PLA2G6: variants seen among roughly 807,000 people sequenced by gnomAD.
PLA2G6 encodes phospholipase A2 group VI.
In PLA2G6, 62 loss-of-function variants were observed where a neutral mutation model predicts 83.8. The observed-to-expected ratio is 0.74, with a 90% CI of 0.60 to 0.91. The LOEUF is 0.91. Among genes scored for constraint, PLA2G6 ranks in the 40% least tolerant of loss-of-function variants. The probability of loss-of-function intolerance (pLI) is 0.00; values close to 1 mark genes in which losing one functional copy is unlikely to be tolerated. For missense variants in PLA2G6, 944 were observed against 1,102.0 expected (o/e 0.86, Z 2.03); for synonymous variants, 417 against 449.8 (o/e 0.93, Z 0.92).
In PLA2G6 at chr22:38,132,768, C is replaced by A; in HGVS notation, c.1077+63G>T. The A allele has an allele frequency of 7.1e-7, 1 of 1,406,992 alleles. No homozygotes were observed. The highest frequency in any genetic ancestry group is 9.7e-7 in the Non-Finnish European group (1 of 1,032,716). 87.2% of individuals were successfully genotyped at this position (1,406,992 alleles called of 1,614,324 possible). ...GACAGTGGGGAGGAGGGCTCCAGTCCGGACAGCCCTCCTGCATTCCCACCG... is the reference window on the plus strand; with the variant it reads ...GACAGTGGGGAGGAGGGCTCCAGTCAGGACAGCCCTCCTGCATTCCCACCG... On this transcript the variant is annotated intron_variant, in intron 7 of 16. Coordinates refer to ENST00000332509, the MANE Select transcript of PLA2G6 (RefSeq NM_003560.4). The surrounding 1 kb of genome is among the most constrained non-coding windows in gnomAD (Gnocchi z 5.0).
chr22:38,167,238 A>G (rs2090255320), intron 2 of PLA2G6, among the ~76,000 whole-genome samples: 2 of 151,790 alleles, frequency 1.3e-5, no homozygotes, highest in Admixed American at 1.3e-4. Flanking sequence ...AAAAAAAAAA[A>G]AAAAAGAAAA....
In PLA2G6 at chr22:38,132,715, G is replaced by T; in HGVS notation, c.1077+116C>A. 1 of 950,944 alleles carries T rather than the reference G, an allele frequency of 1.1e-6. No homozygotes were observed. Among genetic ancestry groups the T allele is most frequent in the Non-Finnish European group, 1.6e-6 (1 of 632,212 alleles). 58.9% of individuals were successfully genotyped at this position (950,944 alleles called of 1,614,324 possible). ...TGAACTGAGCTTTGGGTGGGAAGAT[G>T]ATTTGGAGCAGCTGACGATAGGAGG... On this transcript the variant is annotated intron_variant, in intron 7 of 16. Transcript: ENST00000332509. This position sits in a 1 kb window ranked among gnomAD's most constrained non-coding sequence, Gnocchi z 5.0.
At position 38,128,250 on chromosome 22, in the gene PLA2G6, G is replaced by T. The variant is rs1319402265; in HGVS notation, c.1348+19C>A. 1.9e-6 allele frequency: 3 copies of T among 1,611,282 alleles called. No homozygotes were observed. Among genetic ancestry groups the T allele is most frequent in the African/African-American group, 1.3e-5 (1 of 74,854 alleles). ...CTGGGAACCAGCTGGAGAAGAGGGA[G>T]TCGGGAGGCGAGGCCTACCTAGGTT... On this transcript the variant is annotated intron_variant, in intron 9 of 16. Coordinates refer to ENST00000332509, the MANE Select transcript of PLA2G6 (RefSeq NM_003560.4). The surrounding 1 kb of genome is among the most constrained non-coding windows in gnomAD (Gnocchi z 4.4).
intron 5 of PLA2G6, chr22:38,138,222 C>G (rs1260529161): frequency 1.3e-5 from 2 of 152,636 alleles, no homozygotes; most frequent in Non-Finnish European, 1.5e-5. Flanking sequence ...AAGAGCATCA[C>G]CTGGTGTCCA....
At chr22:38,166,675 G>C (rs1289125045) in intron 2 of PLA2G6, among the ~76,000 whole-genome samples, 1 of 152,162 alleles carries the variant, frequency 6.6e-6, no homozygotes, top group Non-Finnish European at 1.5e-5. Context: ...GTTGCTGTAA[G>C]CCAAGATCAT....
At chr22:38,143,450 T>C in intron 3 of PLA2G6, 162 bp from the exon 4 acceptor site, 1 of 728,388 alleles carries the variant, frequency 1.4e-6, no homozygotes, top group South Asian at 1.4e-5. Context: ...CTGATTTGAA[T>C]GTAATTATAT....
intron 1 of PLA2G6, among the ~76,000 whole-genome samples, chr22:38,176,962 T>C (rs1011365796): frequency 6.6e-6 from 1 of 151,280 alleles, no homozygotes; most frequent in African/African-American, 2.4e-5. Flanking sequence ...AGGAGAATCT[T>C]TGAACCCGAG....
At chr22:38,131,422 T>A (rs1436316346) in intron 7 of PLA2G6, 2 of 152,172 alleles carry the variant, frequency 1.3e-5, no homozygotes, top group East Asian at 3.8e-4. Flanking sequence ...ATTAATATTT[T>A]GAAATTTTCA....
At chr22:38,134,958 C>T in intron 6 of PLA2G6, 30 bp downstream of exon 6, 1 of 1,060,358 alleles carries the variant, frequency 9.4e-7, no homozygotes, top group Non-Finnish European at 1.5e-6. Context: ...CGGCCCCCTG[C>T]CCCACCCACC....
chr22:38,143,353 A>C, intron 3 of PLA2G6, 65 bp from the exon 4 acceptor site: 2 of 1,491,126 alleles, frequency 1.3e-6, no homozygotes, highest in Non-Finnish European at 1.9e-6. Flanking sequence ...GGGGGACCTA[A>C]GTGCACATGC....
At chr22:38,126,768 G>A (rs1190992155) in intron 9 of PLA2G6, 2 of 408,340 alleles carry the variant, frequency 4.9e-6, no homozygotes, top group African/African-American at 2.0e-5. Flanking sequence ...ATACCCTTGC[G>A]TGTCCTCTTC....
At chr22:38,152,971 A>G (rs2089629532) in intron 2 of PLA2G6, among the ~76,000 whole-genome samples, 1 of 152,118 alleles carries the variant, frequency 6.6e-6, no homozygotes, top group African/African-American at 2.4e-5. Flanking sequence ...CTGCGGGGAA[A>G]AAAAAAAAGG....
intron 1 of PLA2G6, among the ~76,000 whole-genome samples, 170 bp downstream of exon 1, chr22:38,181,494 G>A (rs1398968429): frequency 6.6e-6 from 1 of 152,102 alleles, no homozygotes; most frequent in Non-Finnish European, 1.5e-5. Context: ...ACACACGGAG[G>A]AGACTGGGGT....
At chr22:38,145,747 G>A (rs900906817) in intron 2 of PLA2G6, 94 bp from the exon 3 acceptor site, 19 of 794,846 alleles carry the variant, frequency 2.4e-5, no homozygotes, top group East Asian at 5.4e-5. Flanking sequence ...CCCAGGCTGC[G>A]GCCTGGCCAG....
intron 5 of PLA2G6, chr22:38,137,878 G>T: frequency 6.6e-6 from 1 of 152,442 alleles, no homozygotes; most frequent in Non-Finnish European, 1.5e-5. Flanking sequence ...AACAGCGAGG[G>T]AGCTCCTAGT....
At chr22:38,124,894 G>A (rs537831968) in intron 10 of PLA2G6, among the ~76,000 whole-genome samples, 6 of 152,304 alleles carry the variant, frequency 3.9e-5, no homozygotes, top group Middle Eastern at 6.8e-3. Context: ...CCGAAGATGC[G>A]GGGCTGGCGA....
chr22:38,117,845 G>A (rs2087296221), intron 12 of PLA2G6, among the ~76,000 whole-genome samples: 1 of 151,952 alleles, frequency 6.6e-6, no homozygotes, highest in Non-Finnish European at 1.5e-5. Context: ...AGACTGGCCT[G>A]GCCAACATGG....
At chr22:38,148,504 G>C in intron 2 of PLA2G6, 1 of 717,048 alleles carries the variant, frequency 1.4e-6, no homozygotes, top group Middle Eastern at 2.3e-4. Context: ...AGGCTGGAAG[G>C]AATGATGGAA....
At chr22:38,141,349 C>A (rs2088892386) in intron 4 of PLA2G6, 2 of 152,364 alleles carry the variant, frequency 1.3e-5, no homozygotes, top group Non-Finnish European at 2.9e-5. Flanking sequence ...GAGCTAGATG[C>A]TGTCTCAAAA....
Sources: allele counts gnomAD v4.1 joint callset (sites outside exome capture counted in the v4.1 genomes callset), GRCh38; gene constraint gnomAD v4.1.1; non-coding constraint Gnocchi (gnomAD v3.1); transcripts MANE v1.5; gene names NCBI Gene and HGNC (gene_info 2026-07-23, HGNC 2026-07-21).